Variants in BABAM2 observed in about 807,000 individuals in gnomAD.
BABAM2 encodes the protein BRISC and BRCA1 A complex member 2.
A neutral mutation model predicts 54.7 loss-of-function variants in BABAM2; 31 were observed. The ratio of observed to expected loss-of-function variants is 0.57; its 90% CI spans 0.43 to 0.77. BABAM2 has a LOEUF of 0.77. Among genes scored for constraint, BABAM2 ranks in the 30% least tolerant of loss-of-function variants. The probability of loss-of-function intolerance (pLI) is 0.00; values close to 1 mark genes in which losing one functional copy is unlikely to be tolerated. For missense variants in BABAM2, 364 were observed against 455.8 expected (o/e 0.80, Z 1.83); for synonymous variants, 167 against 162.9 (o/e 1.03, Z -0.19).
chr2:28,249,143 G>GGT (rs1024250847), intron 10 of BABAM2, among the ~76,000 whole-genome samples: 3 of 150,044 alleles, frequency 2.0e-5, no homozygotes, highest in African/African-American at 7.4e-5. Flanking sequence ...GCTGGAATGC[G>GGT]GTAGTGTGAT....
intron 3 of BABAM2, among the ~76,000 whole-genome samples, chr2:27,947,302 G>A (rs891948468): frequency 8.6e-5 from 13 of 151,926 alleles, no homozygotes; most frequent in Admixed American, 6.6e-4. Flanking sequence ...TGAGCTATAT[G>A]TCATTGTTTG....
chr2:27,978,583 A>G (rs776192363), intron 3 of BABAM2, among the ~76,000 whole-genome samples: 5 of 152,220 alleles, frequency 3.3e-5, no homozygotes, highest in Non-Finnish European at 7.3e-5. Context: ...GCAGCAACTG[A>G]TAAGAATAAT....
At chr2:27,996,505 A>G (rs1450860886) in intron 4 of BABAM2, 1 of 154,832 alleles carries the variant, frequency 6.5e-6, no homozygotes, top group African/African-American at 2.4e-5. Context: ...AGCAGTGTGG[A>G]TCTCAAATTC....
chr2:27,961,137 G>A (rs1381060053), intron 3 of BABAM2, among the ~76,000 whole-genome samples: 7 of 152,108 alleles, frequency 4.6e-5, no homozygotes, highest in Non-Finnish European at 1.0e-4. Flanking sequence ...GCAGAAATTG[G>A]TGAAGACAGG....
At chr2:28,334,152 A>G (rs1289280658) in intron 11 of BABAM2, among the ~76,000 whole-genome samples, 1 of 152,256 alleles carries the variant, frequency 6.6e-6, no homozygotes, top group Non-Finnish European at 1.5e-5. Flanking sequence ...TGGCAGGGAA[A>G]GCCCAGGACA....
intron 4 of BABAM2, among the ~76,000 whole-genome samples, chr2:27,992,533 G>A (rs749133547): frequency 2.0e-5 from 3 of 152,162 alleles, no homozygotes; most frequent in Non-Finnish European, 2.9e-5. Flanking sequence ...TGAAACAAAA[G>A]CAATGCTATG....
At chr2:27,955,328 G>A (rs1169579105) in intron 3 of BABAM2, among the ~76,000 whole-genome samples, 1 of 152,202 alleles carries the variant, frequency 6.6e-6, no homozygotes, top group Non-Finnish European at 1.5e-5. Context: ...GGCATACTTT[G>A]CTAGGAAGTG....
At chr2:27,917,701 C>G (rs1188302621) in intron 2 of BABAM2, among the ~76,000 whole-genome samples, 1 of 152,130 alleles carries the variant, frequency 6.6e-6, no homozygotes, top group Non-Finnish European at 1.5e-5. Context: ...CAGTCTATAG[C>G]ACACCCCAAA....
chr2:28,188,933 G>T (rs1676605487), intron 7 of BABAM2, among the ~76,000 whole-genome samples: 1 of 152,170 alleles, frequency 6.6e-6, no homozygotes, highest in Non-Finnish European at 1.5e-5. Context: ...GGGCACAATG[G>T]CTCACGCCTG....
intron 11 of BABAM2, among the ~76,000 whole-genome samples, chr2:28,323,009 G>A (rs927814010): frequency 1.3e-5 from 2 of 152,208 alleles, no homozygotes; most frequent in East Asian, 3.9e-4. Context: ...AGCAATAGCA[G>A]TAAGAAGCGG....
At chr2:28,172,887 G>A (rs1674512027) in intron 7 of BABAM2, among the ~76,000 whole-genome samples, 1 of 152,182 alleles carries the variant, frequency 6.6e-6, no homozygotes, top group Non-Finnish European at 1.5e-5. Context: ...CAATAGAAAT[G>A]TATTTCTCAC....
At chr2:28,292,923 G>T (rs1466652162) in intron 10 of BABAM2, among the ~76,000 whole-genome samples, 1 of 152,110 alleles carries the variant, frequency 6.6e-6, no homozygotes, top group Non-Finnish European at 1.5e-5. Flanking sequence ...ACAGCTGTCC[G>T]CCACCACTGC....
At chr2:28,091,487 C>G (rs999273853) in intron 6 of BABAM2, among the ~76,000 whole-genome samples, 11 of 152,182 alleles carry the variant, frequency 7.2e-5, no homozygotes, top group African/African-American at 2.7e-4. Flanking sequence ...CTCACCTTGA[C>G]CTATTCATCC....
intron 7 of BABAM2, among the ~76,000 whole-genome samples, chr2:28,159,748 C>A: frequency 6.6e-6 from 1 of 152,086 alleles, no homozygotes; most frequent in South Asian, 2.1e-4. Context: ...GGCGTGGTGG[C>A]AAGCACCTGT....
chr2:28,167,728 A>G (rs1335480830), intron 7 of BABAM2, among the ~76,000 whole-genome samples: 1 of 151,624 alleles, frequency 6.6e-6, no homozygotes, highest in East Asian at 1.9e-4. Flanking sequence ...AAATAAATAA[A>G]TAAATAAATA....
intron 5 of BABAM2, among the ~76,000 whole-genome samples, chr2:28,042,650 T>C (rs965296757): frequency 2.6e-5 from 4 of 152,002 alleles, no homozygotes; most frequent in African/African-American, 9.7e-5. Context: ...GAGAAAATAA[T>C]AAAAGAGGAA....
chr2:27,937,557 C>T (rs1039155120), intron 3 of BABAM2, among the ~76,000 whole-genome samples: 1 of 152,156 alleles, frequency 6.6e-6, no homozygotes, highest in African/African-American at 2.4e-5. Flanking sequence ...TTTGCATTTC[C>T]TTGATAATTA....
chr2:28,176,916 T>C (rs569013224), intron 7 of BABAM2, among the ~76,000 whole-genome samples: 1 of 149,452 alleles, frequency 6.7e-6, no homozygotes, highest in Admixed American at 6.7e-5. Context: ...TGGGACACCA[T>C]AAAGTGACTA....
intron 6 of BABAM2, among the ~76,000 whole-genome samples, chr2:28,074,702 A>C (rs1464963532): frequency 6.6e-6 from 1 of 151,868 alleles, no homozygotes; most frequent in Non-Finnish European, 1.5e-5. Context: ...CCATGGCATT[A>C]GTTGGGGTGA....
Sources: allele counts gnomAD v4.1 joint callset (sites outside exome capture counted in the v4.1 genomes callset), GRCh38; gene constraint gnomAD v4.1.1; transcripts MANE v1.5; gene names NCBI Gene and HGNC (gene_info 2026-07-23, HGNC 2026-07-21).